The following WDR59 variants were observed in gnomAD, a reference collection of about 807,000 sequenced individuals.
The protein encoded by WDR59 is WD repeat domain 59, also known as GATOR2 complex protein WDR59.
In WDR59, 100 loss-of-function variants were observed where a neutral mutation model predicts 131.2. That is an observed-to-expected ratio of 0.76 (90% CI 0.65 to 0.90). The LOEUF (loss-of-function observed/expected upper bound fraction) is 0.90, where lower values mean the gene tolerates loss of function less well. Ranked by LOEUF, WDR59 falls within the 40% of genes least tolerant of loss-of-function variation. WDR59 has a pLI of 0.00. For synonymous variants in WDR59, 601 were observed against 466.2 expected (o/e 1.29, Z -3.72); for missense variants, 1,203 against 1,262.2 (o/e 0.95, Z 0.71).
chr16:74,969,691 T>C (rs2033907304), intron 1 of WDR59, among the ~76,000 whole-genome samples: 1 of 151,958 alleles, frequency 6.6e-6, no homozygotes, highest in Admixed American at 6.6e-5. Flanking sequence ...TGCCTCAGCC[T>C]CCCAAGTACT....
chr16:74,882,040 C>G (rs1964511723), intron 25 of WDR59, among the ~76,000 whole-genome samples: 2 of 152,038 alleles, frequency 1.3e-5, no homozygotes, highest in Non-Finnish European at 2.9e-5. Flanking sequence ...TTAAGTCTTC[C>G]TGAGTTTATA....
chr16:74,966,410 G>A (rs1234780185), intron 1 of WDR59, among the ~76,000 whole-genome samples: 1 of 152,118 alleles, frequency 6.6e-6, no homozygotes, highest in East Asian at 1.9e-4. Flanking sequence ...AACGTGGGAG[G>A]TGGAGGGTGC....
intron 18 of WDR59, among the ~76,000 whole-genome samples, chr16:74,896,278 A>G (rs1965293523): frequency 6.6e-6 from 1 of 152,208 alleles, no homozygotes; most frequent in Non-Finnish European, 1.5e-5. Flanking sequence ...GTTTAACTAC[A>G]CAGCTGAATT....
intron 1 of WDR59, among the ~76,000 whole-genome samples, chr16:74,981,658 A>ATTTTTTTTTTTTTTTTTTTT (rs2034430352): frequency 7.9e-5 from 6 of 75,532 alleles, no homozygotes; most frequent in African/African-American, 4.8e-4. Context: ...ATATATATAT[A>ATTTTTTTTTTTTTTTTTTTT]TATTTTTTTT....
chr16:74,939,485 CTAA>C (rs1396587768), intron 7 of WDR59, among the ~76,000 whole-genome samples: 2 of 150,762 alleles, frequency 1.3e-5, no homozygotes, highest in African/African-American at 2.4e-5. Flanking sequence ...TGCATCTGTT[CTAA>C]TGTTAAATGA....
chr16:74,952,403 C>T (rs1472440857), intron 3 of WDR59, among the ~76,000 whole-genome samples: 1 of 139,684 alleles, frequency 7.2e-6, no homozygotes, highest in African/African-American at 2.8e-5. Flanking sequence ...GATTGTGCCA[C>T]TGTACTCCAG....
intron 8 of WDR59, among the ~76,000 whole-genome samples, chr16:74,933,270 G>A (rs575038102): frequency 9.9e-5 from 15 of 152,230 alleles, no homozygotes; most frequent in African/African-American, 3.4e-4. Flanking sequence ...CACTTGGAGT[G>A]CAGCCTGGGT....
At chr16:74,922,273 A>G (rs1359423070) in intron 9 of WDR59, among the ~76,000 whole-genome samples, 170 bp from the exon 10 acceptor site, 1 of 152,258 alleles carries the variant, frequency 6.6e-6, no homozygotes, top group Admixed American at 6.5e-5. Context: ...CATCGCGTCT[A>G]CTTTTCTCTT....
At position 74,935,008 on chromosome 16, in the gene WDR59, TG is replaced by T. The variant is rs571218341; in HGVS notation, c.651+3141del. On this transcript the variant is annotated intron_variant, in intron 8 of 25. Transcript: ENST00000262144. ...CTTTGGGAGGCCGAGACAGGGAGAA[TG>T]CTTGAGGTCAGGAGTTTGAAACCAG... is the stretch of plus-strand genomic sequence containing the variant. Among the ~76,000 whole-genome samples, 370 of 152,016 alleles carry T rather than the reference TG, an allele frequency of 2.4e-3. 2 individuals are homozygous for T. Among genetic ancestry groups the T allele is most frequent in the African/African-American group, 8.3e-3 (343 of 41,490 alleles).
chr16:74,970,850 C>T (rs898486341), intron 1 of WDR59, among the ~76,000 whole-genome samples: 1 of 151,070 alleles, frequency 6.6e-6, no homozygotes, highest in Non-Finnish European at 1.5e-5. Context: ...CCCAGGAGTT[C>T]GAGACCAGCC....
chr16:74,874,021 C>T lies in WDR59; in HGVS notation c.*188G>A, dbSNP rs1964082717. 1.7e-6 allele frequency: 1 copy of T among 597,022 alleles called. No individual in the cohort carries two copies. The highest frequency in any genetic ancestry group is 3.0e-6 in the Non-Finnish European group (1 of 335,852). The allele number at this position is 597,022 out of a possible 1,614,324, so 37.0% of individuals were successfully genotyped here. A position where few individuals can be genotyped will look rare whatever the true frequency, so the allele number is the denominator to read the frequency against. ...CCTTATCTTCACACAGTGACATCCA[C>T]ACCAGGTGGCCAAACAGAAGAGAAG... On this transcript the variant is annotated 3_prime_UTR_variant, in exon 26 of 26. Coordinates refer to ENST00000262144, the MANE Select transcript of WDR59 (RefSeq NM_030581.4).
At chr16:74,899,502 T>G (rs897218686) in intron 18 of WDR59, among the ~76,000 whole-genome samples, 4 of 152,182 alleles carry the variant, frequency 2.6e-5, no homozygotes, top group Non-Finnish European at 5.9e-5. Context: ...TATTAGCCAT[T>G]TGAAACTCTG....
At chr16:74,899,581 T>C in intron 18 of WDR59, 7 of 849,998 alleles carry the variant, frequency 8.2e-6, no homozygotes, top group Non-Finnish European at 1.2e-5. Context: ...TTGCTGGTCC[T>C]GAAAACAGCT....
At chr16:74,970,108 A>G (rs1360009087) in intron 1 of WDR59, among the ~76,000 whole-genome samples, 1 of 152,152 alleles carries the variant, frequency 6.6e-6, no homozygotes. Context: ...TATTTTTGGT[A>G]GAGATAGTGT....
chr16:74,974,907 T>G (rs994598957), intron 1 of WDR59, among the ~76,000 whole-genome samples: 4 of 152,204 alleles, frequency 2.6e-5, no homozygotes, highest in Non-Finnish European at 5.9e-5. Context: ...CCTTCTGACC[T>G]CATGCCATTT....
intron 1 of WDR59, among the ~76,000 whole-genome samples, chr16:74,973,917 C>T (rs561047337): frequency 6.6e-6 from 1 of 152,188 alleles, no homozygotes; most frequent in East Asian, 1.9e-4. Context: ...CACCTGTAAT[C>T]CTAGCACTTT....
intron 1 of WDR59, among the ~76,000 whole-genome samples, chr16:74,968,443 G>A (rs1017553332): frequency 1.5e-4 from 23 of 152,246 alleles, no homozygotes; most frequent in Admixed American, 1.3e-3. Flanking sequence ...AATATGGACC[G>A]GGTGCAGTAG....
intron 10 of WDR59, 139 bp downstream of exon 10, chr16:74,921,808 G>A: frequency 1.9e-6 from 2 of 1,038,754 alleles, no homozygotes; most frequent in South Asian, 1.7e-5. Context: ...ATGACGAAAG[G>A]TGGCAACAGC....
chr16:74,939,819 T>C (rs1417755381), intron 7 of WDR59, among the ~76,000 whole-genome samples: 1 of 151,600 alleles, frequency 6.6e-6, no homozygotes, highest in Non-Finnish European at 1.5e-5. Context: ...AAGATTCCCA[T>C]CTCTACAAGA....
Sources: allele counts gnomAD v4.1 joint callset (sites outside exome capture counted in the v4.1 genomes callset), GRCh38; gene constraint gnomAD v4.1.1; transcripts MANE v1.5; gene names NCBI Gene and HGNC (gene_info 2026-07-23, HGNC 2026-07-21).